TDP2: variants seen among roughly 807,000 people sequenced by gnomAD.
TDP2 encodes 5'-Tyr-DNA phosphodiesterase.
A neutral mutation model predicts 42.8 loss-of-function variants in TDP2; 38 were observed. The observed-to-expected ratio is 0.89, with a 90% confidence interval of 0.68 to 1.16. The LOEUF is 1.16. Ranked by LOEUF, TDP2 falls within the 50% of genes most tolerant of loss-of-function variation. The probability of loss-of-function intolerance (pLI) is 0.00; values close to 1 mark genes in which losing one functional copy is unlikely to be tolerated. For missense variants in TDP2, 439 were observed against 439.3 expected (o/e 1.00, Z 0.01); for synonymous variants, 173 against 150.6 (o/e 1.15, Z -1.09).
Position 24,650,724 on chromosome 6 carries a change from C to CCT in TDP2, c.*62_*63dup. ...CATTATTTCCTCCACAGCAAACCTA[C>CCT]CTTTCCAGAAGGTGGAAATTGTATT... On this transcript the variant is annotated 3_prime_UTR_variant, in exon 7 of 7. Coordinates refer to ENST00000378198, the MANE Select transcript of TDP2 (RefSeq NM_016614.3). 1 of 1,530,834 alleles carries CCT rather than the reference C, an allele frequency of 6.5e-7. No individual in the cohort carries two copies. The highest frequency in any genetic ancestry group is 8.9e-7 in the Non-Finnish European group (1 of 1,121,392). The allele number at this position is 1,530,834 out of a possible 1,614,324, so 94.8% of individuals were successfully genotyped here.
intron 2 of TDP2, chr6:24,666,219 C>T: frequency 1.9e-6 from 3 of 1,547,690 alleles, no homozygotes; most frequent in Non-Finnish European, 2.6e-6. Context: ...GTTTAGCCTT[C>T]GTTCATTTGT....
At chr6:24,651,090 C>T (rs1777967082) in intron 6 of TDP2, 21 bp from the exon 7 acceptor site, 11 of 1,563,708 alleles carry the variant, frequency 7.0e-6, no homozygotes, top group Non-Finnish European at 9.6e-6. Flanking sequence ...GAAGAATACT[C>T]TCTAAGATAC....
rs1383090282 is a variant in TDP2, at chr6:24,666,849, C to T, written c.14G>A (p.Ser5Asn). 1 of 1,613,832 alleles carries T rather than the reference C, an allele frequency of 6.2e-7. No individual in the cohort carries two copies. The highest frequency in any genetic ancestry group is 2.2e-5 in the East Asian group (1 of 44,888). MELG[S>N]CLEGGREAAE... ...CGCCTCCCTCCCGCCCTCCAGGCAA[C>T]TCCCCAACTCCATCTTCCTGCCGCC... Residue 5 changes from serine (S) to asparagine (N), a missense_variant, in exon 1 of 7, where the codon AGT becomes AAT. By Grantham distance (46) the Ser-to-Asn change is conservative. Transcript: ENST00000378198.
chr6:24,666,582 C>G lies in TDP2; in HGVS notation c.195G>C (p.Pro65=), dbSNP rs201933219. The G allele has an allele frequency of 1.2e-6, 2 of 1,614,190 alleles. No homozygotes were observed. The highest frequency in any genetic ancestry group is 1.7e-6 in the Non-Finnish European group (2 of 1,180,008). The change falls in exon 2 of 7, where the codon CCG becomes CCC. Residue 65 remains proline (P), a synonymous_variant. Coordinates refer to ENST00000378198, the MANE Select transcript of TDP2 (RefSeq NM_016614.3). The part of the protein sequence containing the change: ...ERALNSYFEP[P]VEESALERRP... ...GGCGTTCCAAGGCGCTCTCCTCCAC[C>G]GGAGGCTCGAAGTAGGAGTTCAGAG...
chr6:24,661,653 A>G (rs1439078021), intron 2 of TDP2, among the ~76,000 whole-genome samples: 1 of 152,186 alleles, frequency 6.6e-6, no homozygotes, highest in Non-Finnish European at 1.5e-5. Context: ...GATGAACTTA[A>G]TGTCAATTTT....
intron 4 of TDP2, among the ~76,000 whole-genome samples, chr6:24,656,716 C>T (rs1196080106): frequency 6.6e-6 from 1 of 152,136 alleles, no homozygotes; most frequent in African/African-American, 2.4e-5. Context: ...CTTCAGAATT[C>T]TGAAGGAAAA....
At chr6:24,659,607 C>T (rs1334135140) in intron 2 of TDP2, among the ~76,000 whole-genome samples, 2 of 152,178 alleles carry the variant, frequency 1.3e-5, no homozygotes, top group African/African-American at 4.8e-5. Flanking sequence ...ACTATGATCC[C>T]AAATTAGACT....
intron 6 of TDP2, among the ~76,000 whole-genome samples, chr6:24,652,507 A>C (rs546879508): frequency 1.3e-5 from 2 of 152,308 alleles, no homozygotes; most frequent in Non-Finnish European, 2.9e-5. Flanking sequence ...TCAGACCTGG[A>C]GATCTGGACA....
chr6:24,651,733 T>C (rs891449907), intron 6 of TDP2, among the ~76,000 whole-genome samples: 2 of 152,106 alleles, frequency 1.3e-5, no homozygotes, highest in African/African-American at 4.8e-5. Flanking sequence ...ATCACAGGCA[T>C]GTGCCACAAT....
intron 2 of TDP2, 90 bp from the exon 3 acceptor site, chr6:24,658,824 A>C (rs1208068147): frequency 1.5e-5 from 21 of 1,378,236 alleles, no homozygotes; most frequent in Non-Finnish European, 2.1e-5. Flanking sequence ...TTTTACAGAC[A>C]AATTTTAAAA....
chr6:24,663,568 C>T (rs1367343282), intron 2 of TDP2, among the ~76,000 whole-genome samples: 1 of 152,146 alleles, frequency 6.6e-6, no homozygotes, highest in Non-Finnish European at 1.5e-5. Context: ...GTGTTTGGGT[C>T]ATGGAGGCAG....
intron 4 of TDP2, among the ~76,000 whole-genome samples, chr6:24,657,080 A>C (rs1562148167): frequency 6.6e-6 from 1 of 152,266 alleles, no homozygotes; most frequent in African/African-American, 2.4e-5. Flanking sequence ...TACAGTTGAC[A>C]CTTGAACAAC....
chr6:24,653,786 C>G (rs1778014666), intron 5 of TDP2, among the ~76,000 whole-genome samples: 1 of 152,264 alleles, frequency 6.6e-6, no homozygotes. Flanking sequence ...CTACACTCAA[C>G]TGAATAGAAT....
In TDP2 at chr6:24,666,541, G is replaced by A. The variant is rs769270221; in HGVS notation, c.236C>T (p.Ser79Phe). 4.3e-6 allele frequency: 7 copies of A among 1,614,108 alleles called. No individual in the cohort carries two copies. The Admixed American group carries it at 5.0e-5, about 12-fold the overall frequency. The change falls in exon 2 of 7, where the codon TCT (serine) becomes TTT (phenylalanine). Residue 79 changes from serine (S) to phenylalanine (F), a missense_variant. Coordinates refer to ENST00000378198, the MANE Select transcript of TDP2 (RefSeq NM_016614.3). ...SALERRPETI[S>F]EPKTYVDLTN... The stretch of plus-strand genomic sequence containing the variant: ...CATCACTTACTAGGTCTTGGGCTCA[G>A]AGATGGTTTCAGGTCGGCGTTCCAA...
intron 6 of TDP2, among the ~76,000 whole-genome samples, 190 bp from the exon 7 acceptor site, chr6:24,651,259 CA>C (rs1777970493): frequency 6.6e-6 from 1 of 152,102 alleles, no homozygotes; most frequent in African/African-American, 2.4e-5. Flanking sequence ...TCAAGACAGC[CA>C]GAGGGGTTTG....
chr6:24,664,261 C>CTAAA (rs1778196836), intron 2 of TDP2, among the ~76,000 whole-genome samples: 1 of 149,314 alleles, frequency 6.7e-6, no homozygotes, highest in Non-Finnish European at 1.5e-5. Flanking sequence ...AGTCCACACT[C>CTAAA]TAAATAACAA....
chr6:24,661,824 G>GAAA (rs1562149928), intron 2 of TDP2, among the ~76,000 whole-genome samples: 1 of 151,210 alleles, frequency 6.6e-6, no homozygotes, highest in African/African-American at 2.4e-5. Flanking sequence ...TTACTGTGGG[G>GAAA]GAAAGAGAGA....
At chr6:24,652,881 G>T in intron 6 of TDP2, 102 bp downstream of exon 6, 1 of 1,280,654 alleles carries the variant, frequency 7.8e-7, no homozygotes, top group Non-Finnish European at 1.1e-6. Context: ...GACATTTTGA[G>T]TGACTAAAGG....
At chr6:24,663,848 C>T (rs1299668845) in intron 2 of TDP2, among the ~76,000 whole-genome samples, 2 of 152,182 alleles carry the variant, frequency 1.3e-5, no homozygotes, top group Non-Finnish European at 2.9e-5. Context: ...TATAGCAACA[C>T]AAGAACCTAA....
Sources: allele counts gnomAD v4.1 joint callset (sites outside exome capture counted in the v4.1 genomes callset), GRCh38; gene constraint gnomAD v4.1.1; transcripts MANE v1.5; gene names NCBI Gene and HGNC (gene_info 2026-07-23, HGNC 2026-07-21).